ZNF462: variants seen among roughly 807,000 people sequenced by gnomAD.
ZNF462 encodes zinc finger PBX1-interacting protein.
Under a neutral mutation model 201.9 loss-of-function variants are expected in ZNF462, and 10 were observed. The observed-to-expected ratio is 0.05, with a 90% confidence interval of 0.03 to 0.08. The LOEUF (loss-of-function observed/expected upper bound fraction) is 0.08. ZNF462 is among the 10% of genes least tolerant of loss of function. The probability of loss-of-function intolerance (pLI) is 1.00; values close to 1 mark genes in which losing one functional copy is unlikely to be tolerated. For missense variants in ZNF462, 2,523 were observed against 3,168.3 expected, an observed-to-expected ratio of 0.80 and a Z score of 4.89; for synonymous variants, 1,227 against 1,193.3, an observed-to-expected ratio of 1.03 and a Z score of -0.58.
chr9:106,920,298 T>G lies in ZNF462; in HGVS notation c.-30-3056T>G, dbSNP rs2131394658. On this transcript the variant is annotated intron_variant, in intron 1 of 12. Coordinates refer to ENST00000277225, the MANE Select transcript of ZNF462 (RefSeq NM_021224.6). The surrounding 1 kb of genome is among the most constrained non-coding windows in gnomAD (Gnocchi z 4.3). ...CTGTCACTTTTTGCACATGTGCCCA[T>G]GTACCATCTCATAAACATATCAAGT... Among the ~76,000 whole-genome samples, 1 of 152,342 alleles carries G rather than the reference T, an allele frequency of 6.6e-6. No individual in the cohort carries two copies. Among genetic ancestry groups the G allele is most frequent in the South Asian group, 2.1e-4 (1 of 4,826 alleles).
chr9:106,972,012 A>G lies in ZNF462; in HGVS notation c.6435A>G (p.Ser2145=), dbSNP rs749150857. 13 of 1,613,756 alleles carry G rather than the reference A, an allele frequency of 8.1e-6. No homozygotes were observed. In the South Asian group the frequency reaches 1.3e-4, roughly 16 times the overall value. ...AEEVEDSNDS[S]YSEPPDVQQQ... is the part of the protein sequence containing the mutation. ...TTTCCCGTCTCTTCACAGACTCATC[A>G]TATTCAGAGCCCCCAGATGTTCAGC... The change falls in exon 8 of 13, where the codon TCA becomes TCG. Residue 2145 remains serine (S), a synonymous_variant. Transcript: ENST00000277225. The surrounding 1 kb of genome is among the most constrained non-coding windows in gnomAD (Gnocchi z 4.8).
rs545839916 is a variant in ZNF462, at chr9:107,003,420, G to C, written c.7183G>C (p.Asp2395His). The C allele has an allele frequency of 5.0e-6, 8 of 1,613,512 alleles. No individual in the cohort carries two copies. The highest frequency in any genetic ancestry group is 6.8e-6 in the Non-Finnish European group (8 of 1,179,722). Residue 2395 changes from aspartate to histidine, a missense_variant, in exon 11 of 13, where the codon GAC (aspartate) becomes CAC (histidine). By Grantham distance (81) the Asp-to-His change is moderately conservative. Coordinates refer to ENST00000277225, the MANE Select transcript of ZNF462 (RefSeq NM_021224.6). This position sits in a 1 kb window ranked among gnomAD's most constrained non-coding sequence, Gnocchi z 4.4. ...AGAAGAAATGAACAGCAAGGCTGAA[G>C]ACAGAGGTTAGTCTCATCCTGCCCT... is the stretch of plus-strand genomic sequence containing the variant. ...KEEEMNSKAE[D>H]RELMRFSDHG... is the part of the protein sequence containing the mutation.
intron 1 of ZNF462, among the ~76,000 whole-genome samples, chr9:106,899,721 T>C (rs1828975366): frequency 6.6e-6 from 1 of 152,230 alleles, no homozygotes; most frequent in Non-Finnish European, 1.5e-5. Flanking sequence ...CAGATGGTTA[T>C]GTGGGAAAGG....
chr9:106,997,100 T>A (rs1186429893), intron 10 of ZNF462, among the ~76,000 whole-genome samples: 1 of 151,226 alleles, frequency 6.6e-6, no homozygotes, highest in African/African-American at 2.5e-5. Flanking sequence ...CTGAATATCT[T>A]TTCTTTCTTT....
At position 106,917,848 on chromosome 9, in the gene ZNF462, A is replaced by ATATTTATTTATT. The variant is rs57577781; in HGVS notation, c.-30-5472_-30-5461dup. On this transcript the variant is annotated intron_variant, in intron 1 of 12. Coordinates refer to ENST00000277225, the MANE Select transcript of ZNF462 (RefSeq NM_021224.6). The surrounding 1 kb of genome is among the most constrained non-coding windows in gnomAD (Gnocchi z 4.5). ...TATTTTGCTGGTTTATTATTTTTTT[A>ATATTTATTTATT]TATTTATTTATTTATTTATTTATTT... Among the ~76,000 whole-genome samples the ATATTTATTTATT allele has an allele frequency of 2.6e-4, 38 of 145,726 alleles. No individual in the cohort carries two copies. Among genetic ancestry groups the ATATTTATTTATT allele is most frequent in the East Asian group, 1.4e-3 (7 of 4,956 alleles).
At chr9:106,967,291 C>T (rs1019617501) in intron 7 of ZNF462, among the ~76,000 whole-genome samples, 4 of 152,108 alleles carry the variant, frequency 2.6e-5, no homozygotes, top group African/African-American at 9.7e-5. Context: ...AGCACGTGAC[C>T]TGGCACTAGC....
upstream of ZNF462, among the ~76,000 whole-genome samples, chr9:106,860,812 G>C (rs958758758): frequency 6.6e-6 from 1 of 152,192 alleles, no homozygotes; most frequent in Non-Finnish European, 1.5e-5. This position sits in a 1 kb window ranked among gnomAD's most constrained non-coding sequence, Gnocchi z 7.1. Context: ...TCCCGGTGGG[G>C]AGGAGCTCGG....
intron 7 of ZNF462, among the ~76,000 whole-genome samples, chr9:106,944,713 T>TA (rs1831028438): frequency 6.6e-6 from 1 of 152,204 alleles, no homozygotes; most frequent in South Asian, 2.1e-4. Flanking sequence ...ACCACCCTAA[T>TA]GCCCTTCCCA....
rs1205742007 is a variant in ZNF462, at chr9:106,913,214, T to A, written c.-30-10140T>A. On this transcript the variant is annotated intron_variant, in intron 1 of 12. Transcript: ENST00000277225. This position sits in a 1 kb window ranked among gnomAD's most constrained non-coding sequence, Gnocchi z 4.1. ...GCCAGTGGAGACTTAGAATTACTAG[T>A]GTCTCAGTAGTCAGCTAACCACTGT... 2.0e-5 allele frequency among the ~76,000 whole-genome samples: 3 copies of A among 152,132 alleles called. No individual in the cohort carries two copies. The East Asian group carries it at 5.8e-4, about 29-fold the overall frequency.
intron 10 of ZNF462, among the ~76,000 whole-genome samples, chr9:106,988,086 G>C (rs1827990076): frequency 6.6e-6 from 1 of 152,140 alleles, no homozygotes; most frequent in Non-Finnish European, 1.5e-5. Context: ...TTTGAAATCA[G>C]ATAGTGTGAT....
chr9:106,954,277 G>A lies in ZNF462; in HGVS notation c.6427+15170G>A, dbSNP rs57147563. Among the ~76,000 whole-genome samples the A allele has an allele frequency of 0.097, 14,676 of 152,072 alleles. 1,776 individuals carry two copies. Among genetic ancestry groups the A allele is most frequent in the African/African-American group, 0.28 (11,776 of 41,424 alleles). ...AGGTGGAAGGCAAAGGGGGAGCAAG[G>A]CACATCTTATATGGTGGCAGGAGAG... On this transcript the variant is annotated intron_variant, in intron 7 of 12. Coordinates refer to ENST00000277225, the MANE Select transcript of ZNF462 (RefSeq NM_021224.6). This position sits in a 1 kb window ranked among gnomAD's most constrained non-coding sequence, Gnocchi z 4.0.
chr9:106,981,566 C>T lies in ZNF462; in HGVS notation c.6833-2620C>T, dbSNP rs191436159. Among the ~76,000 whole-genome samples the T allele has an allele frequency of 1.8e-4, 27 of 152,318 alleles. No homozygotes were observed. Among genetic ancestry groups the T allele is most frequent in the African/African-American group, 4.8e-4 (20 of 41,570 alleles). On this transcript the variant is annotated intron_variant, in intron 9 of 12. Coordinates refer to ENST00000277225, the MANE Select transcript of ZNF462 (RefSeq NM_021224.6). This position sits in a 1 kb window ranked among gnomAD's most constrained non-coding sequence, Gnocchi z 4.0. ...GTTATGTCAAGGGTAGAACACCTAA[C>T]GGTGCTTGAACCGTAGCGAGCACTT...
chr9:106,958,476 A>G (rs1290923056), intron 7 of ZNF462, among the ~76,000 whole-genome samples: 1 of 152,132 alleles, frequency 6.6e-6, no homozygotes, highest in Non-Finnish European at 1.5e-5. Context: ...AGCCCTTGCT[A>G]TTCCTTCTTC....
intron 1 of ZNF462, among the ~76,000 whole-genome samples, chr9:106,864,041 T>TCTCG (rs1827182229): frequency 4.2e-5 from 1 of 23,996 alleles, no homozygotes; most frequent in African/African-American, 1.8e-4. Context: ...GGTATTTGGC[T>TCTCG]CTCTCTCTCT....
At chr9:106,989,773 T>G (rs1461400624) in intron 10 of ZNF462, among the ~76,000 whole-genome samples, 2 of 152,130 alleles carry the variant, frequency 1.3e-5, no homozygotes, top group African/African-American at 4.8e-5. Flanking sequence ...CTACGAGGGT[T>G]GTATTTTTCC....
At chr9:106,916,068 A>G (rs1316837685) in intron 1 of ZNF462, among the ~76,000 whole-genome samples, 1 of 152,224 alleles carries the variant, frequency 6.6e-6, no homozygotes, top group Non-Finnish European at 1.5e-5. Flanking sequence ...TTTCCCCCAG[A>G]TAAAAGAAGT....
Position 106,927,562 on chromosome 9 carries a change from G to C in ZNF462, c.3650G>C (p.Arg1217Pro). ...GVLIHYQKKHRDFKANADVIR... is the reference protein window; with the variant it reads ...GVLIHYQKKHPDFKANADVIR... ...CTCATTCATTATCAGAAGAAGCACC[G>C]AGACTTCAAGGCCAATGCAGATGTG... Residue 1217 changes from arginine (R) to proline (P), a missense_variant, in exon 3 of 13, where the codon CGA (arginine) becomes CCA (proline). Around this residue, in one of 15 missense-constraint regions of ZNF462, gnomAD observed 222 missense variants for 271.6 expected, o/e 0.82. Transcript: ENST00000277225. 1 of 1,613,890 alleles carries C rather than the reference G, an allele frequency of 6.2e-7. No homozygotes were observed.
rs572201345 is a variant in ZNF462, at chr9:106,966,810, T to C, written c.6428-5195T>C. ...AAATTCCTTGTCTTTTATTTTTTCT[T>C]GGTACTTGATTCACACTGACCAACA... On this transcript the variant is annotated intron_variant, in intron 7 of 12. Coordinates refer to ENST00000277225, the MANE Select transcript of ZNF462 (RefSeq NM_021224.6). The surrounding 1 kb of genome is among the most constrained non-coding windows in gnomAD (Gnocchi z 4.4). 1.2e-4 allele frequency among the ~76,000 whole-genome samples: 18 copies of C among 152,264 alleles called. No homozygotes were observed. The East Asian group carries it at 3.3e-3, about 28-fold the overall frequency.
rs1438638274 is a variant in ZNF462, at chr9:106,925,632, G to T, written c.1720G>T (p.Val574Leu). 2.5e-6 allele frequency: 4 copies of T among 1,612,842 alleles called. No homozygotes were observed. Among genetic ancestry groups the T allele is most frequent in the Non-Finnish European group, 3.4e-6 (4 of 1,179,658 alleles). Residue 574 changes from valine to leucine, a missense_variant, in exon 3 of 13, where the codon GTG (valine) becomes TTG (leucine). Physicochemically the swap from Val to Leu is conservative, Grantham distance 32 (BLOSUM62 1). This residue lies in a region of ZNF462 where 383 missense variants were observed against 453.4 expected (regional missense o/e 0.84). Transcript: ENST00000277225. This position sits in a 1 kb window ranked among gnomAD's most constrained non-coding sequence, Gnocchi z 7.9. The stretch of plus-strand genomic sequence containing the variant: ...ACCACAGCTGCAGCCACCACATCAG[G>T]TGCCACCCCAGCCACAAACACAGCC... ...QPPQLQPPHQ[V>L]PPQPQTQPPP... is the part of the protein sequence containing the mutation.
Sources: allele counts gnomAD v4.1 joint callset (sites outside exome capture counted in the v4.1 genomes callset), GRCh38; gene constraint gnomAD v4.1.1; regional missense constraint gnomAD v4.1.1; non-coding constraint Gnocchi (gnomAD v3.1); transcripts MANE v1.5; gene names NCBI Gene and HGNC (gene_info 2026-07-23, HGNC 2026-07-21).